Variants in KSR2 observed in about 807,000 individuals in gnomAD.
KSR2 encodes the protein kinase suppressor of ras 2.
In KSR2, 25 loss-of-function variants were observed where a neutral mutation model predicts 107.8. The observed-to-expected ratio is 0.23, with a 90% CI of 0.17 to 0.32. KSR2 has a LOEUF of 0.32. KSR2 is among the 10% of genes least tolerant of loss of function. The pLI is 1.00. For synonymous variants in KSR2, 480 were observed against 507.0 expected, an observed-to-expected ratio of 0.95 and a Z score of 0.71; for missense variants, 887 against 1,268.9, an observed-to-expected ratio of 0.70 and a Z score of 4.57.
chr12:117,876,699 C>T (rs1165882149), intron 1 of KSR2, among the ~76,000 whole-genome samples: 1 of 150,394 alleles, frequency 6.6e-6, no homozygotes, highest in Non-Finnish European at 1.5e-5. Flanking sequence ...GTCATCATAG[C>T]AGTCATAGAT....
intron 4 of KSR2, among the ~76,000 whole-genome samples, chr12:117,736,564 C>T (rs1333906116): frequency 6.6e-6 from 1 of 152,188 alleles, no homozygotes; most frequent in African/African-American, 2.4e-5. Flanking sequence ...AATCCCAGCA[C>T]TTTGGGAGAC....
At chr12:117,599,666 A>G (rs1420841204) in intron 5 of KSR2, among the ~76,000 whole-genome samples, 1 of 152,110 alleles carries the variant, frequency 6.6e-6, no homozygotes, top group African/African-American at 2.4e-5. Flanking sequence ...ACCAAGAAAA[A>G]TATCTCTAAA....
rs1566094380 is a variant in KSR2, at chr12:117,947,182, GAAA to G, written c.180+20891_180+20893del. ...CACTCTGTCAAAAGAAAGAAAGAAA[GAAA>G]GAAAAGAAAGAAAAGAAAGAAAAGA... On this transcript the variant is annotated intron_variant, in intron 1 of 19. Transcript: ENST00000339824. Among the ~76,000 whole-genome samples the G allele has an allele frequency of 6.5e-5, 7 of 107,922 alleles. 1 individual carries two copies. Among genetic ancestry groups the G allele is most frequent in the African/African-American group, 2.5e-4 (7 of 27,962 alleles). 70.8% of individuals were successfully genotyped at this position (107,922 alleles called of 152,430 possible).
At chr12:117,857,961 T>C (rs1284168180) in intron 2 of KSR2, among the ~76,000 whole-genome samples, 2 of 152,166 alleles carry the variant, frequency 1.3e-5, no homozygotes, top group Non-Finnish European at 2.9e-5. Context: ...GCTCAGTGAC[T>C]AAGGCAAGAG....
intron 4 of KSR2, among the ~76,000 whole-genome samples, chr12:117,715,465 G>A (rs1385836594): frequency 6.6e-6 from 1 of 152,220 alleles, no homozygotes; most frequent in African/African-American, 2.4e-5. Context: ...GGAGCAGAGC[G>A]CAAGGGAGAA....
At chr12:117,485,518 C>A in intron 15 of KSR2, 77 bp downstream of exon 15, 2 of 1,085,884 alleles carry the variant, frequency 1.8e-6, no homozygotes, top group Non-Finnish European at 2.8e-6. Context: ...TCTTAGGAGC[C>A]CTGGGGTAGG....
intron 1 of KSR2, among the ~76,000 whole-genome samples, chr12:117,899,073 A>C (rs112687765): frequency 4.5e-4 from 68 of 152,322 alleles, no homozygotes; most frequent in African/African-American, 1.3e-3. Flanking sequence ...CATCGTGGAT[A>C]TATCACTGAT....
At chr12:117,565,764 T>C (rs1878445700) in intron 7 of KSR2, among the ~76,000 whole-genome samples, 1 of 152,228 alleles carries the variant, frequency 6.6e-6, no homozygotes, top group South Asian at 2.1e-4. Flanking sequence ...CATTCATTCT[T>C]CAGAAAACAG....
At chr12:117,949,893 T>A (rs1298305555) in intron 1 of KSR2, among the ~76,000 whole-genome samples, 1 of 152,046 alleles carries the variant, frequency 6.6e-6, no homozygotes, top group Admixed American at 6.6e-5. Flanking sequence ...CCATTTTACA[T>A]CAAAAGAATA....
rs1870913320 is a variant in KSR2 at position 117,461,866 on chromosome 12, G to T, written c.*5333C>A. 1 of 152,256 alleles carries T rather than the reference G, an allele frequency of 6.6e-6. No individual in the cohort carries two copies. The highest frequency in any genetic ancestry group is 1.5e-5 in the Non-Finnish European group (1 of 68,094). 9.4% of individuals were successfully genotyped at this position (152,256 alleles called of 1,614,324 possible). A position where few individuals can be genotyped will look rare whatever the true frequency, so the allele number is the denominator to read the frequency against. On this transcript the variant is annotated 3_prime_UTR_variant, in exon 20 of 20. Transcript: ENST00000339824. The stretch of plus-strand genomic sequence containing the variant: ...AAGCCAAAAAAGGAAACAGCAAAAT[G>T]TAGCTCATCAAAATCCACTCCTTTG...
chr12:117,656,957 T>A (rs1317779882), intron 5 of KSR2, among the ~76,000 whole-genome samples: 2 of 92,890 alleles, frequency 2.2e-5, no homozygotes, highest in African/African-American at 5.5e-5. Context: ...TATATATATA[T>A]AATAGGATAT....
intron 4 of KSR2, among the ~76,000 whole-genome samples, chr12:117,675,335 A>G (rs1261393284): frequency 2.6e-5 from 4 of 152,168 alleles, no homozygotes; most frequent in Non-Finnish European, 5.9e-5. Context: ...GACATCTTCT[A>G]TTTGTGGGGA....
chr12:117,819,024 G>T (rs1032140644), intron 3 of KSR2, among the ~76,000 whole-genome samples: 7 of 152,008 alleles, frequency 4.6e-5, no homozygotes, highest in Non-Finnish European at 8.8e-5. Context: ...CCAGAGCATT[G>T]CTCACCCTGG....
chr12:117,843,106 T>C (rs1892556911), intron 3 of KSR2, among the ~76,000 whole-genome samples: 1 of 152,206 alleles, frequency 6.6e-6, no homozygotes, highest in African/African-American at 2.4e-5. Flanking sequence ...ACAGTGTTTA[T>C]ATGACTTCAT....
chr12:117,647,407 T>A (rs1883699024), intron 5 of KSR2, among the ~76,000 whole-genome samples: 1 of 152,064 alleles, frequency 6.6e-6, no homozygotes, highest in Non-Finnish European at 1.5e-5. Context: ...GCCCACAGAC[T>A]GATGGGGCCA....
intron 1 of KSR2, among the ~76,000 whole-genome samples, chr12:117,951,200 G>A (rs1382715684): frequency 5.3e-5 from 8 of 152,234 alleles, no homozygotes; most frequent in Non-Finnish European, 8.8e-5. Flanking sequence ...GAGCCACCGC[G>A]CCCGGCGGCA....
chr12:117,599,884 C>T (rs557525581), intron 5 of KSR2, among the ~76,000 whole-genome samples: 32 of 152,092 alleles, frequency 2.1e-4, no homozygotes, highest in Non-Finnish European at 2.9e-4. Flanking sequence ...CGGAAGGAGA[C>T]GGGGAACAAG....
chr12:117,563,391 C>A (rs1878252280), intron 7 of KSR2, among the ~76,000 whole-genome samples: 1 of 152,112 alleles, frequency 6.6e-6, no homozygotes, highest in African/African-American at 2.4e-5. Context: ...ATAGAACAAA[C>A]CTAGGTTCAA....
chr12:117,675,932 G>A (rs1885098692), intron 4 of KSR2, among the ~76,000 whole-genome samples: 2 of 152,164 alleles, frequency 1.3e-5, no homozygotes, highest in Admixed American at 6.5e-5. Context: ...CCCCAAACAG[G>A]AAAAATGCCC....
Sources: gnomAD v4.1 joint callset for allele counts (sites outside exome capture counted in the v4.1 genomes callset) on GRCh38, gnomAD v4.1.1 for gene constraint, MANE v1.5 for transcripts, NCBI Gene and HGNC (gene_info 2026-07-23, HGNC 2026-07-21) for gene names.